HS3ST4: variants seen among roughly 807,000 people sequenced by gnomAD.
HS3ST4 encodes the protein heparan sulfate glucosamine 3-O-sulfotransferase 4.
A neutral mutation model predicts 29.2 loss-of-function variants in HS3ST4; 17 were observed. The observed-to-expected ratio is 0.58, with a 90% CI of 0.40 to 0.87. HS3ST4 has a LOEUF of 0.87. HS3ST4 is among the 40% of genes least tolerant of loss of function. The pLI is 0.00. For missense variants in HS3ST4, 627 were observed against 634.5 expected, an observed-to-expected ratio of 0.99 and a Z score of 0.13; for synonymous variants, 314 against 285.7, an observed-to-expected ratio of 1.10 and a Z score of -1.00.
At chr16:26,023,044 A>G (rs1042207059) in intron 1 of HS3ST4, among the ~76,000 whole-genome samples, 3 of 152,102 alleles carry the variant, frequency 2.0e-5, no homozygotes, top group Admixed American at 6.5e-5. Context: ...CTCCATCTCA[A>G]AAAAAAGAAG....
chr16:25,930,297 G>A (rs1490671255), intron 1 of HS3ST4, among the ~76,000 whole-genome samples: 1 of 152,166 alleles, frequency 6.6e-6, no homozygotes, highest in Admixed American at 6.5e-5. Flanking sequence ...CCTGGATGGA[G>A]GCTTCACCTC....
At position 25,692,377 on chromosome 16, in the gene HS3ST4, G is replaced by T; in HGVS notation, c.-41G>T. 4.4e-6 allele frequency: 2 copies of T among 459,048 alleles called. No homozygotes were observed. The highest frequency in any genetic ancestry group is 5.7e-6 in the Non-Finnish European group (2 of 349,376). 28.4% of individuals were successfully genotyped at this position (459,048 alleles called of 1,614,324 possible). A position where few individuals can be genotyped will look rare whatever the true frequency, so the allele number is the denominator to read the frequency against. Reference sequence around the variant, plus strand: ...AAACCATGTCCGGGCAGCGCCGGGGGCTGCCGCCGCCGCCGCCGCCGCCGC... The same window carrying T: ...AAACCATGTCCGGGCAGCGCCGGGGTCTGCCGCCGCCGCCGCCGCCGCCGC... On this transcript the variant is annotated 5_prime_UTR_variant, in exon 1 of 2. Transcript: ENST00000331351.
chr16:26,127,323 C>T (rs1181840379), intron 1 of HS3ST4, among the ~76,000 whole-genome samples: 1 of 152,152 alleles, frequency 6.6e-6, no homozygotes, highest in Non-Finnish European at 1.5e-5. Context: ...GGTGAACTTT[C>T]CTGTCTGAGT....
chr16:26,040,471 T>C (rs1480488335), intron 1 of HS3ST4, among the ~76,000 whole-genome samples: 1 of 152,004 alleles, frequency 6.6e-6, no homozygotes, highest in South Asian at 2.1e-4. Context: ...GCCCAGCTAA[T>C]TTTTTGTATT....
chr16:26,040,024 G>C (rs1371631766), intron 1 of HS3ST4, among the ~76,000 whole-genome samples: 1 of 152,164 alleles, frequency 6.6e-6, no homozygotes, highest in African/African-American at 2.4e-5. Context: ...GATCTGAAAA[G>C]AGTACAGATT....
intron 1 of HS3ST4, among the ~76,000 whole-genome samples, chr16:26,113,469 G>GGTGTGTGTGT (rs1397992089): frequency 1.4e-5 from 1 of 71,894 alleles, no homozygotes; most frequent in Non-Finnish European, 2.7e-5. Context: ...TACAATATAT[G>GGTGTGTGTGT]ATGTGTGTGT....
intron 1 of HS3ST4, among the ~76,000 whole-genome samples, chr16:26,041,256 C>A (rs1045032275): frequency 1.3e-4 from 20 of 151,882 alleles, no homozygotes; most frequent in African/African-American, 4.8e-4. Context: ...GTGGGAGGAT[C>A]GATTGAACCT....
Position 26,135,965 on chromosome 16 carries a change from A to G in HS3ST4, c.1088A>G (p.Asp363Gly), listed in dbSNP as rs1202292663. ...GTCAGTGGTGAGCGACTCATTGTGG[A>G]CCCCGCCGGGGAAATGGCCAAAGTA... ...LFVSGERLIVDPAGEMAKVQD... is the reference protein window; with the variant it reads ...LFVSGERLIVGPAGEMAKVQD... The change falls in exon 2 of 2, where the codon GAC becomes GGC. Residue 363 changes from aspartate to glycine, a missense_variant. Physicochemically the swap from Asp to Gly is moderately conservative, Grantham distance 94 (BLOSUM62 -1). Coordinates refer to ENST00000331351, the MANE Select transcript of HS3ST4 (RefSeq NM_006040.3). 10 of 1,613,824 alleles carry G rather than the reference A, an allele frequency of 6.2e-6. No individual in the cohort carries two copies. Among genetic ancestry groups the G allele is most frequent in the South Asian group, 1.1e-5 (1 of 91,054 alleles).
At chr16:26,024,486 C>A (rs62034503) in intron 1 of HS3ST4, among the ~76,000 whole-genome samples, 103 of 152,206 alleles carry the variant, frequency 6.8e-4, no homozygotes, top group South Asian at 1.9e-3. Flanking sequence ...AATCCCATCA[C>A]TTTAGGAGGC....
intron 1 of HS3ST4, among the ~76,000 whole-genome samples, chr16:25,797,074 G>T (rs1352912306): frequency 2.6e-5 from 4 of 152,144 alleles, no homozygotes; most frequent in Non-Finnish European, 1.5e-5. Flanking sequence ...TATAAAACGA[G>T]AATTATTGTC....
At chr16:26,056,795 A>G (rs1042959563) in intron 1 of HS3ST4, among the ~76,000 whole-genome samples, 36 of 152,232 alleles carry the variant, frequency 2.4e-4, no homozygotes, top group Non-Finnish European at 3.5e-4. Context: ...GATAATGCAG[A>G]TCAGCATACA....
chr16:26,037,361 T>G (rs1969592657), intron 1 of HS3ST4, among the ~76,000 whole-genome samples: 1 of 152,162 alleles, frequency 6.6e-6, no homozygotes, highest in Non-Finnish European at 1.5e-5. Context: ...TCTCTTCTCC[T>G]AAGGAGAGAT....
intron 1 of HS3ST4, among the ~76,000 whole-genome samples, chr16:25,772,944 G>A (rs901190885): frequency 2.0e-5 from 3 of 152,174 alleles, no homozygotes; most frequent in Non-Finnish European, 4.4e-5. Flanking sequence ...CTGCTAGGTA[G>A]GTACCTTTGA....
At chr16:25,895,443 G>A (rs1968051531) in intron 1 of HS3ST4, among the ~76,000 whole-genome samples, 1 of 152,034 alleles carries the variant, frequency 6.6e-6, no homozygotes, top group Non-Finnish European at 1.5e-5. Context: ...ATTTGTGGAG[G>A]GTGAATGGAT....
intron 1 of HS3ST4, among the ~76,000 whole-genome samples, chr16:25,999,460 T>C (rs1310057210): frequency 6.6e-6 from 1 of 152,052 alleles, no homozygotes; most frequent in Non-Finnish European, 1.5e-5. Context: ...AGATGTTTTT[T>C]CAGAAAATAT....
chr16:25,949,433 T>C (rs1345492238), intron 1 of HS3ST4, among the ~76,000 whole-genome samples: 1 of 152,196 alleles, frequency 6.6e-6, no homozygotes, highest in African/African-American at 2.4e-5. Context: ...TTTCTAGTGA[T>C]GTTTTTGATT....
chr16:26,047,198 C>T (rs1006058368), intron 1 of HS3ST4, among the ~76,000 whole-genome samples: 1 of 152,170 alleles, frequency 6.6e-6, no homozygotes, highest in African/African-American at 2.4e-5. Flanking sequence ...AGAGTTCTTG[C>T]ATGATGGGGA....
At chr16:25,914,499 G>T (rs573519361) in intron 1 of HS3ST4, among the ~76,000 whole-genome samples, 22 of 151,512 alleles carry the variant, frequency 1.5e-4, no homozygotes, top group Admixed American at 3.3e-4. Context: ...GTACATGTGT[G>T]GGGGGAGGCA....
intron 1 of HS3ST4, among the ~76,000 whole-genome samples, chr16:25,811,675 C>G (rs758783818): frequency 6.6e-6 from 1 of 152,082 alleles, no homozygotes; most frequent in Non-Finnish European, 1.5e-5. Context: ...TCAGGTGATA[C>G]CCCCGCCTCG....
Sources: allele counts gnomAD v4.1 joint callset (sites outside exome capture counted in the v4.1 genomes callset), GRCh38; gene constraint gnomAD v4.1.1; transcripts MANE v1.5; gene names NCBI Gene and HGNC (gene_info 2026-07-23, HGNC 2026-07-21).